The following ACO1 variants were observed in gnomAD, a reference collection of about 807,000 sequenced individuals.
ACO1 encodes aconitase 1, also known as cytoplasmic aconitate hydratase.
A neutral mutation model predicts 105.1 loss-of-function variants in ACO1; 78 were observed. The observed-to-expected ratio is 0.74, with a 90% CI of 0.62 to 0.90. ACO1 has a LOEUF of 0.90. ACO1 is among the 40% of genes least tolerant of loss of function. The probability of loss-of-function intolerance (pLI) is 0.00; values close to 1 mark genes in which losing one functional copy is unlikely to be tolerated. For synonymous variants in ACO1, 364 were observed against 397.4 expected (o/e 0.92, Z 1.00); for missense variants, 965 against 1,111.1 (o/e 0.87, Z 1.87).
chr9:32,409,192 A>C (rs983177083), intron 4 of ACO1, among the ~76,000 whole-genome samples: 2 of 152,056 alleles, frequency 1.3e-5, no homozygotes, highest in African/African-American at 4.8e-5. Context: ...TCTGTTAGGA[A>C]TCCTTTACTT....
intron 18 of ACO1, 51 bp downstream of exon 18, chr9:32,436,448 T>C: frequency 1.2e-6 from 2 of 1,600,118 alleles, no homozygotes; most frequent in South Asian, 1.1e-5. Context: ...TCAGCCTTGG[T>C]GGAGGTTGGA....
chr9:32,389,015 A>C (rs1349165720), intron 1 of ACO1, among the ~76,000 whole-genome samples: 1 of 152,336 alleles, frequency 6.6e-6, no homozygotes, highest in East Asian at 1.9e-4. Context: ...CTCAAGTCAA[A>C]ACATTTTATT....
Position 32,452,155 on chromosome 9 carries a change from CTA to C in ACO1, c.*2045_*2046del, listed in dbSNP as rs1213067140. Reference sequence around the variant, plus strand: ...TAAGATCAGTCCTAGAATAAAAACACTAAGAATGGCTGAGAAAACAGACCTCC... The same window carrying C: ...TAAGATCAGTCCTAGAATAAAAACACAGAATGGCTGAGAAAACAGACCTCC... On this transcript the variant is annotated 3_prime_UTR_variant, in exon 21 of 21. Transcript: ENST00000309951. 1 of 152,100 alleles carries C rather than the reference CTA, an allele frequency of 6.6e-6. No individual in the cohort carries two copies. The highest frequency in any genetic ancestry group is 2.4e-5 in the African/African-American group (1 of 41,348). The allele number at this position is 152,100 out of a possible 1,614,324, so 9.4% of individuals were successfully genotyped here. A position where few individuals can be genotyped will look rare whatever the true frequency, so the allele number is the denominator to read the frequency against.
At chr9:32,434,103 C>G (rs1220162359) in intron 16 of ACO1, among the ~76,000 whole-genome samples, 1 of 152,046 alleles carries the variant, frequency 6.6e-6, no homozygotes, top group African/African-American at 2.4e-5. Context: ...AGGGACTGTC[C>G]CAGGAGACCA....
rs764702759 is a variant in ACO1, at chr9:32,450,070, G to T, written c.2629G>T (p.Gly877Trp). ...TDVELTYFLN[G>W]GILNYMIRKM... ...TGTGGAGCTCACTTATTTCCTCAAC[G>T]GGGGCATCCTCAACTACATGATCCG... is the stretch of plus-strand genomic sequence containing the variant. The change falls in exon 21 of 21, where the codon GGG becomes TGG. Residue 877 changes from glycine to tryptophan, a missense_variant. Physicochemically the swap from Gly to Trp is radical, Grantham distance 184. Transcript: ENST00000309951. 6.2e-7 allele frequency: 1 copy of T among 1,613,846 alleles called. No individual in the cohort carries two copies. Among genetic ancestry groups the T allele is most frequent in the South Asian group, 1.1e-5 (1 of 91,068 alleles).
rs1822748217 is a variant in ACO1, at chr9:32,450,742, A to T, written c.*631A>T. 6.6e-6 allele frequency: 1 copy of T among 152,008 alleles called. No individual in the cohort carries two copies. Among genetic ancestry groups the T allele is most frequent in the East Asian group, 1.9e-4 (1 of 5,158 alleles). 9.4% of individuals were successfully genotyped at this position (152,008 alleles called of 1,614,324 possible). A position where few individuals can be genotyped will look rare whatever the true frequency, so the allele number is the denominator to read the frequency against. On this transcript the variant is annotated 3_prime_UTR_variant, in exon 21 of 21. Transcript: ENST00000309951. ...AAGAAATGTGAAGTTTTCTTTTACT[A>T]TCTTTTCATTTATCAAGCAGAGACC... is the stretch of plus-strand genomic sequence containing the variant.
chr9:32,413,100 G>A lies in ACO1; in HGVS notation c.404+4449G>A, dbSNP rs140996112. Among the ~76,000 whole-genome samples the A allele has an allele frequency of 1.5e-4, 22 of 151,624 alleles. No individual in the cohort carries two copies. In the East Asian group the frequency reaches 4.3e-3, roughly 29 times the overall value. On this transcript the variant is annotated intron_variant, in intron 4 of 20. Coordinates refer to ENST00000309951, the MANE Select transcript of ACO1 (RefSeq NM_002197.3). Reference sequence around the variant, plus strand: ...TATAGACCTTTTTCATTTACACCATGTACTGAAAACATGAAAAACAGCAAA... The same window carrying A: ...TATAGACCTTTTTCATTTACACCATATACTGAAAACATGAAAAACAGCAAA...
Position 32,439,930 on chromosome 9 carries a change from A to G in ACO1, c.2248-535A>G, listed in dbSNP as rs1206855271. 2.0e-5 allele frequency among the ~76,000 whole-genome samples: 3 copies of G among 152,226 alleles called. No homozygotes were observed. The highest frequency in any genetic ancestry group is 4.4e-5 in the Non-Finnish European group (3 of 68,038). ...TAATGTTTTTATAAAACCAACAACAATTAGGCATTTCTGTCAAAAGAATAT... is the reference window on the plus strand; with the variant it reads ...TAATGTTTTTATAAAACCAACAACAGTTAGGCATTTCTGTCAAAAGAATAT... On this transcript the variant is annotated intron_variant, in intron 18 of 20. Transcript: ENST00000309951. This position sits in a 1 kb window ranked among gnomAD's most constrained non-coding sequence, Gnocchi z 4.0.
intron 1 of ACO1, among the ~76,000 whole-genome samples, chr9:32,402,892 T>G (rs1331847073): frequency 6.6e-6 from 1 of 152,222 alleles, no homozygotes; most frequent in Admixed American, 6.5e-5. Context: ...AGCTAGTCTT[T>G]GGTTGCTGAA....
intron 19 of ACO1, among the ~76,000 whole-genome samples, chr9:32,441,554 T>G (rs1822480269): frequency 6.6e-6 from 1 of 152,192 alleles, no homozygotes; most frequent in South Asian, 2.1e-4. Context: ...AAAATAGAAA[T>G]GTTCTCTGAT....
Position 32,450,904 on chromosome 9 carries a change from C to G in ACO1, c.*793C>G, listed in dbSNP as rs1822752905. ...GGGATATTTAGTACAGAGTGAATCT[C>G]ACACCATATCATTGGGAAGCCTGAA... On this transcript the variant is annotated 3_prime_UTR_variant, in exon 21 of 21. Transcript: ENST00000309951. The G allele has an allele frequency of 1.4e-5, 2 of 146,488 alleles. No homozygotes were observed. Among genetic ancestry groups the G allele is most frequent in the Admixed American group, 1.3e-4 (2 of 14,848 alleles). 9.1% of individuals were successfully genotyped at this position (146,488 alleles called of 1,614,324 possible).
rs550841268 is a variant in ACO1 at position 32,426,840 on chromosome 9, T to C, written c.1349-461T>C. Among the ~76,000 whole-genome samples the C allele has an allele frequency of 1.4e-4, 21 of 152,322 alleles. No individual in the cohort carries two copies. The South Asian group carries it at 3.7e-3, about 27-fold the overall frequency. On this transcript the variant is annotated intron_variant, in intron 11 of 20. Coordinates refer to ENST00000309951, the MANE Select transcript of ACO1 (RefSeq NM_002197.3). The stretch of plus-strand genomic sequence containing the variant: ...GTCCAGCAGATCCTCCACTTCAAGA[T>C]ATATCTGAACACTCGATTTTTACTT...
chr9:32,442,553 A>G (rs1822505792), intron 19 of ACO1, among the ~76,000 whole-genome samples: 1 of 150,434 alleles, frequency 6.6e-6, no homozygotes, highest in Non-Finnish European at 1.5e-5. Flanking sequence ...TTTAAGCTTA[A>G]TATCAAGACT....
At position 32,418,968 on chromosome 9, in the gene ACO1, C is replaced by T; in HGVS notation, c.659-70C>T. 2.1e-6 allele frequency: 3 copies of T among 1,451,970 alleles called. No individual in the cohort carries two copies. In the South Asian group the frequency reaches 4.7e-5, roughly 23 times the overall value. The allele number at this position is 1,451,970 out of a possible 1,614,324, so 89.9% of individuals were successfully genotyped here. ...CTGGGTTTATTACCTGTTAATGTCA[C>T]TAAATTTATACCTGAGAGATAGAGT... On this transcript the variant is annotated intron_variant, in intron 6 of 20. Coordinates refer to ENST00000309951, the MANE Select transcript of ACO1 (RefSeq NM_002197.3).
intron 1 of ACO1, among the ~76,000 whole-genome samples, chr9:32,391,549 TTC>T (rs1318572064): frequency 6.6e-6 from 1 of 152,244 alleles, no homozygotes; most frequent in South Asian, 2.1e-4. Context: ...GCTGGTGTGG[TTC>T]TCTCTCATCC....
chr9:32,429,381 CTTTTT>C (rs1170254851), intron 12 of ACO1, 33 bp from the exon 13 acceptor site: 5 of 1,596,124 alleles, frequency 3.1e-6, no homozygotes, highest in Non-Finnish European at 4.3e-6. Context: ...GAAAGTTATT[CTTTTT>C]TTGTGTGTGT....
rs116900072 is a variant in ACO1, at chr9:32,441,319, G to C, written c.2370+732G>C. On this transcript the variant is annotated intron_variant, in intron 19 of 20. Transcript: ENST00000309951. ...TGCCCTAAAAGCAGAGAAGAATCAT[G>C]CCACCCAGCCTGAATCTTCAGGGTG... Among the ~76,000 whole-genome samples, 139 of 152,216 alleles carry C rather than the reference G, an allele frequency of 9.1e-4. 2 individuals are homozygous for C. The East Asian group carries it at 0.019, about 21-fold the overall frequency.
chr9:32,450,138 G>A lies in ACO1; in HGVS notation c.*27G>A, dbSNP rs199881775. ...AGACGTGCACTTGGTGCTGCGCCCA[G>A]GGAGGAAGCCGCACCACCAGCCAGC... On this transcript the variant is annotated 3_prime_UTR_variant, in exon 21 of 21. Transcript: ENST00000309951. 1 of 1,582,010 alleles carries A rather than the reference G, an allele frequency of 6.3e-7. No individual in the cohort carries two copies. The highest frequency in any genetic ancestry group is 2.2e-5 in the East Asian group (1 of 44,686).
intron 14 of ACO1, among the ~76,000 whole-genome samples, chr9:32,431,298 G>A (rs1310829584): frequency 6.6e-6 from 1 of 152,090 alleles, no homozygotes; most frequent in Non-Finnish European, 1.5e-5. Context: ...TCCTTTTCTT[G>A]GTCTACGTAG....
Sources: allele counts gnomAD v4.1 joint callset (sites outside exome capture counted in the v4.1 genomes callset), GRCh38; gene constraint gnomAD v4.1.1; non-coding constraint Gnocchi (gnomAD v3.1); transcripts MANE v1.5; gene names NCBI Gene and HGNC (gene_info 2026-07-23, HGNC 2026-07-21).